AGAP1: variants seen among roughly 807,000 people sequenced by gnomAD.
AGAP1 encodes the protein ArfGAP with GTPase domain, ankyrin repeat and PH domain 1, also known as arf-GAP with GTPase, ANK repeat and PH domain-containing protein 1.
A neutral mutation model predicts 105.3 loss-of-function variants in AGAP1; 29 were observed. That is an observed-to-expected ratio of 0.28 (90% CI 0.21 to 0.38). The LOEUF is 0.38. Ranked by LOEUF, AGAP1 falls within the 10% of genes least tolerant of loss-of-function variation. AGAP1 has a pLI of 1.00. For synonymous variants in AGAP1, 509 were observed against 485.9 expected, an observed-to-expected ratio of 1.05 and a Z score of -0.63; for missense variants, 998 against 1,165.1, an observed-to-expected ratio of 0.86 and a Z score of 2.09.
rs1574826872 is a variant in AGAP1, at chr2:235,549,471, A to G, written c.163+54622A>G. On this transcript the variant is annotated intron_variant, in intron 1 of 17. Coordinates refer to ENST00000304032, the MANE Select transcript of AGAP1 (RefSeq NM_001037131.3). The surrounding 1 kb of genome is among the most constrained non-coding windows in gnomAD (Gnocchi z 4.2). Reference sequence around the variant, plus strand: ...CAGGGTGTTCATCAGCCAGCATGAGACCCTCGCTTCCAGCCTGTGCCTTTA... The same window carrying G: ...CAGGGTGTTCATCAGCCAGCATGAGGCCCTCGCTTCCAGCCTGTGCCTTTA... 6.6e-6 allele frequency among the ~76,000 whole-genome samples: 1 copy of G among 152,076 alleles called. No individual in the cohort carries two copies. The highest frequency in any genetic ancestry group is 6.6e-5 in the Admixed American group (1 of 15,266).
chr2:235,588,435 C>G (rs1945203411), intron 1 of AGAP1, among the ~76,000 whole-genome samples: 1 of 152,066 alleles, frequency 6.6e-6, no homozygotes, highest in African/African-American at 2.4e-5. Flanking sequence ...CTTCCTCACC[C>G]TTGATGCTGA....
rs1559245718 is a variant in AGAP1 at position 235,556,258 on chromosome 2, C to G, written c.163+61409C>G. On this transcript the variant is annotated intron_variant, in intron 1 of 17. Transcript: ENST00000304032. This position sits in a 1 kb window ranked among gnomAD's most constrained non-coding sequence, Gnocchi z 5.3. Reference sequence around the variant, plus strand: ...CTTTCTGTCCAGGCCACTGATCAGCCCCCAGGTCCAGGTCCAAGAACAAGC... The same window carrying G: ...CTTTCTGTCCAGGCCACTGATCAGCGCCCAGGTCCAGGTCCAAGAACAAGC... 6.6e-6 allele frequency among the ~76,000 whole-genome samples: 1 copy of G among 152,226 alleles called. No individual in the cohort carries two copies. The highest frequency in any genetic ancestry group is 1.9e-4 in the East Asian group (1 of 5,190).
chr2:235,796,914 G>C (rs1246989052), intron 6 of AGAP1, among the ~76,000 whole-genome samples: 1 of 152,184 alleles, frequency 6.6e-6, no homozygotes, highest in African/African-American at 2.4e-5. Flanking sequence ...TCTAATCGTT[G>C]ACTTCCTTTC....
chr2:235,841,588 C>G (rs559200460), intron 9 of AGAP1, among the ~76,000 whole-genome samples: 18 of 152,136 alleles, frequency 1.2e-4, no homozygotes, highest in Non-Finnish European at 2.5e-4. Context: ...TGTGATCTCG[C>G]CACTGCACTC....
chr2:235,508,990 G>A (rs1941954054), intron 1 of AGAP1, among the ~76,000 whole-genome samples: 1 of 152,206 alleles, frequency 6.6e-6, no homozygotes, highest in Non-Finnish European at 1.5e-5. Context: ...GGGCGTGGTG[G>A]TGGCTGCGCT....
Position 235,864,920 on chromosome 2 carries a change from T to C in AGAP1, c.1051-18425T>C, listed in dbSNP as rs1448160534. ...ACTTAATAATGCTAGCCAGACCTAA[T>C]GTGAACCATACATCTCGTCGGCATT... On this transcript the variant is annotated intron_variant, in intron 9 of 17. Coordinates refer to ENST00000304032, the MANE Select transcript of AGAP1 (RefSeq NM_001037131.3). This position sits in a 1 kb window ranked among gnomAD's most constrained non-coding sequence, Gnocchi z 5.0. Among the ~76,000 whole-genome samples, 3 of 152,198 alleles carry C rather than the reference T, an allele frequency of 2.0e-5. No individual in the cohort carries two copies. The highest frequency in any genetic ancestry group is 4.4e-5 in the Non-Finnish European group (3 of 68,032).
At position 236,054,656 on chromosome 2, in the gene AGAP1, T is replaced by G. The variant is rs952584003; in HGVS notation, c.2114+5375T>G. The stretch of plus-strand genomic sequence containing the variant: ...GCTACTCAGAACACGCATAACAAGC[T>G]ACCGGCAGTGTCCAAATTAGCACTG... On this transcript the variant is annotated intron_variant, in intron 16 of 17. Transcript: ENST00000304032. Among the ~76,000 whole-genome samples, 4 of 152,208 alleles carry G rather than the reference T, an allele frequency of 2.6e-5. No individual in the cohort carries two copies. The South Asian group carries it at 8.3e-4, about 31-fold the overall frequency.
chr2:235,981,112 A>G lies in AGAP1; in HGVS notation c.1645+12489A>G, dbSNP rs187227946. 2.2e-3 allele frequency among the ~76,000 whole-genome samples: 339 copies of G among 152,286 alleles called. 2 individuals carry two copies. Among genetic ancestry groups the G allele is most frequent in the African/African-American group, 7.4e-3 (308 of 41,558 alleles). On this transcript the variant is annotated intron_variant, in intron 13 of 17. Coordinates refer to ENST00000304032, the MANE Select transcript of AGAP1 (RefSeq NM_001037131.3). This position sits in a 1 kb window ranked among gnomAD's most constrained non-coding sequence, Gnocchi z 5.5. The stretch of plus-strand genomic sequence containing the variant: ...AAGGCTAAGGAATTAGACACCCCAG[A>G]GTATGTGATCACTGTGAGATGTTTC...
At chr2:235,873,932 T>C (rs1288506540) in intron 9 of AGAP1, among the ~76,000 whole-genome samples, 3 of 152,204 alleles carry the variant, frequency 2.0e-5, no homozygotes, top group East Asian at 1.9e-4. Context: ...TTTCAACTTG[T>C]TGCCCAGGCT....
In AGAP1 at chr2:235,875,046, A is replaced by G. The variant is rs1019495403; in HGVS notation, c.1051-8299A>G. Reference sequence around the variant, plus strand: ...TTGAAGACTGAGTTTTGGGAGAAGAACCCTGGAGGCCAAAGGCAGTATTCC... The same window carrying G: ...TTGAAGACTGAGTTTTGGGAGAAGAGCCCTGGAGGCCAAAGGCAGTATTCC... On this transcript the variant is annotated intron_variant, in intron 9 of 17. Transcript: ENST00000304032. The surrounding 1 kb of genome is among the most constrained non-coding windows in gnomAD (Gnocchi z 4.0). 1.3e-5 allele frequency among the ~76,000 whole-genome samples: 2 copies of G among 152,132 alleles called. No individual in the cohort carries two copies. Among genetic ancestry groups the G allele is most frequent in the African/African-American group, 4.8e-5 (2 of 41,436 alleles).
chr2:235,684,860 C>T (rs1367943414), intron 1 of AGAP1, among the ~76,000 whole-genome samples: 1 of 152,200 alleles, frequency 6.6e-6, no homozygotes, highest in Non-Finnish European at 1.5e-5. Flanking sequence ...GCATTAGGAA[C>T]ACCAGGGCCT....
intron 13 of AGAP1, among the ~76,000 whole-genome samples, chr2:236,016,834 A>G (rs751368605): frequency 9.2e-5 from 14 of 151,940 alleles, no homozygotes; most frequent in African/African-American, 2.9e-4. Context: ...GTCCCTCACA[A>G]TTTCTTTCAT....
At chr2:235,909,935 C>T (rs1458897914) in intron 11 of AGAP1, among the ~76,000 whole-genome samples, 2 of 151,982 alleles carry the variant, frequency 1.3e-5, no homozygotes, top group African/African-American at 2.4e-5. Flanking sequence ...GCAGGAGAAT[C>T]GCTTGAACCC....
chr2:236,034,596 G>A (rs2057323147), intron 13 of AGAP1, among the ~76,000 whole-genome samples: 2 of 152,098 alleles, frequency 1.3e-5, no homozygotes, highest in African/African-American at 4.8e-5. Flanking sequence ...AGAGCACAAA[G>A]GACACCCCCA....
At chr2:235,811,046 A>G (rs937929316) in intron 9 of AGAP1, among the ~76,000 whole-genome samples, 45 of 152,268 alleles carry the variant, frequency 3.0e-4, no homozygotes, top group Admixed American at 9.1e-4. Context: ...TGTTAAGTCA[A>G]TGGCAGTTAA....
chr2:235,933,416 T>G (rs981994576), intron 12 of AGAP1, among the ~76,000 whole-genome samples: 1 of 152,162 alleles, frequency 6.6e-6, no homozygotes, highest in African/African-American at 2.4e-5. Flanking sequence ...GCATCTGATT[T>G]TCAGACTTGG....
intron 6 of AGAP1, among the ~76,000 whole-genome samples, chr2:235,758,796 T>A (rs1340562270): frequency 6.7e-6 from 1 of 150,356 alleles, no homozygotes; most frequent in Non-Finnish European, 1.5e-5. Context: ...TAAGGCGTGT[T>A]GTTTTTGTTT....
At position 235,622,217 on chromosome 2, in the gene AGAP1, A is replaced by C. The variant is rs551875722; in HGVS notation, c.164-86962A>C. ...CTTCATGCTCTTCCCAATTTTGGGA[A>C]AGGAGCCTTCGTCTTTGCTTCCTAG... On this transcript the variant is annotated intron_variant, in intron 1 of 17. Coordinates refer to ENST00000304032, the MANE Select transcript of AGAP1 (RefSeq NM_001037131.3). This position sits in a 1 kb window ranked among gnomAD's most constrained non-coding sequence, Gnocchi z 5.0. Among the ~76,000 whole-genome samples, 2 of 152,298 alleles carry C rather than the reference A, an allele frequency of 1.3e-5. No homozygotes were observed. The highest frequency in any genetic ancestry group is 4.8e-5 in the African/African-American group (2 of 41,558).
chr2:235,609,792 G>T lies in AGAP1; in HGVS notation c.164-99387G>T, dbSNP rs765895976. ...ACTCCCAACTCACAGGCCAGAAAGT[G>T]TAGTGGGAGGCTGTGGGCATATTTG... On this transcript the variant is annotated intron_variant, in intron 1 of 17. Transcript: ENST00000304032. This position sits in a 1 kb window ranked among gnomAD's most constrained non-coding sequence, Gnocchi z 5.1. Among the ~76,000 whole-genome samples the T allele has an allele frequency of 9.2e-5, 14 of 152,106 alleles. No individual in the cohort carries two copies. The highest frequency in any genetic ancestry group is 2.1e-4 in the Non-Finnish European group (14 of 68,032).
Sources: allele counts gnomAD v4.1 joint callset (sites outside exome capture counted in the v4.1 genomes callset), GRCh38; gene constraint gnomAD v4.1.1; non-coding constraint Gnocchi (gnomAD v3.1); transcripts MANE v1.5; gene names NCBI Gene and HGNC (gene_info 2026-07-23, HGNC 2026-07-21).